PCDH17: variants seen among roughly 807,000 people sequenced by gnomAD.
PCDH17 encodes the protein protocadherin-17.
Under a neutral mutation model 67.7 loss-of-function variants are expected in PCDH17, and 21 were observed. That is an observed-to-expected ratio of 0.31 (90% confidence interval 0.22 to 0.45). PCDH17 has a LOEUF of 0.45. Ranked by LOEUF, PCDH17 falls within the 20% of genes least tolerant of loss-of-function variation. PCDH17 has a pLI of 1.00. For synonymous variants in PCDH17, 701 were observed against 656.7 expected, an observed-to-expected ratio of 1.07 and a Z score of -1.03; for missense variants, 1,471 against 1,564.8, an observed-to-expected ratio of 0.94 and a Z score of 1.01.
intron 3 of PCDH17, among the ~76,000 whole-genome samples, chr13:57,720,373 A>T (rs1457371785): frequency 6.6e-6 from 1 of 152,050 alleles, no homozygotes; most frequent in African/African-American, 2.4e-5. Context: ...AAAGGGGAAG[A>T]TTAAAATGTT....
chr13:57,690,650 G>T (rs1955550093), intron 3 of PCDH17, among the ~76,000 whole-genome samples: 3 of 151,334 alleles, frequency 2.0e-5, no homozygotes, highest in South Asian at 4.2e-4. Flanking sequence ...TAGGTGAAAT[G>T]GTATATTTAA....
At chr13:57,694,155 G>A (rs1955585273) in intron 3 of PCDH17, among the ~76,000 whole-genome samples, 1 of 151,146 alleles carries the variant, frequency 6.6e-6, no homozygotes, top group African/African-American at 2.4e-5. Context: ...AGATGTGAAA[G>A]CTAGAAGTTG....
rs1955922518 is a variant in PCDH17 at position 57,727,307 on chromosome 13, T to G, written c.*2013T>G. ...CATTATTTGCAAACTGGTGGATAAT[T>G]TTGTGCCTTCTCTTCTGGCCACCAA... On this transcript the variant is annotated 3_prime_UTR_variant, in exon 4 of 4. Transcript: ENST00000377918. 1 of 152,584 alleles carries G rather than the reference T, an allele frequency of 6.6e-6. No individual in the cohort carries two copies. Among genetic ancestry groups the G allele is most frequent in the Non-Finnish European group, 1.5e-5 (1 of 68,000 alleles). 9.5% of individuals were successfully genotyped at this position (152,584 alleles called of 1,614,324 possible). A position where few individuals can be genotyped will look rare whatever the true frequency, so the allele number is the denominator to read the frequency against.
intron 3 of PCDH17, among the ~76,000 whole-genome samples, chr13:57,714,631 A>G (rs1453839260): frequency 2.0e-5 from 3 of 151,782 alleles, no homozygotes; most frequent in Admixed American, 1.3e-4. Context: ...TTGTCCTTGT[A>G]AGCCAAACAG....
At chr13:57,677,861 A>C (rs1358053079) in intron 3 of PCDH17, among the ~76,000 whole-genome samples, 1 of 151,820 alleles carries the variant, frequency 6.6e-6, no homozygotes, top group Non-Finnish European at 1.5e-5. Flanking sequence ...ATCTCATAGA[A>C]GTAGAGAGTC....
chr13:57,704,014 T>C (rs1955692289), intron 3 of PCDH17, among the ~76,000 whole-genome samples: 1 of 152,138 alleles, frequency 6.6e-6, no homozygotes, highest in Non-Finnish European at 1.5e-5. Flanking sequence ...CTGTTGTTAC[T>C]ATTGTTGAGC....
chr13:57,727,044 A>G lies in PCDH17; in HGVS notation c.*1750A>G, dbSNP rs1445962111. On this transcript the variant is annotated 3_prime_UTR_variant, in exon 4 of 4. Transcript: ENST00000377918. ...ACACCTTTCCTTGTGACATTTAGCG[A>G]GTTTCAAACTTACTTCCATATGAGG... The G allele has an allele frequency of 6.6e-6, 1 of 152,576 alleles. No homozygotes were observed. The highest frequency in any genetic ancestry group is 1.5e-5 in the Non-Finnish European group (1 of 68,022). The allele number at this position is 152,576 out of a possible 1,614,324, so 9.5% of individuals were successfully genotyped here.
chr13:57,640,871 G>C (rs1443528950), intron 1 of PCDH17, among the ~76,000 whole-genome samples: 2 of 151,920 alleles, frequency 1.3e-5, no homozygotes, highest in African/African-American at 4.8e-5. Flanking sequence ...CTCAATAGTG[G>C]GTAAATTCTT....
intron 1 of PCDH17, among the ~76,000 whole-genome samples, chr13:57,644,586 T>C (rs1954943200): frequency 6.6e-6 from 1 of 151,594 alleles, no homozygotes; most frequent in Non-Finnish European, 1.5e-5. Context: ...TTTTTGCAAT[T>C]ACAATACCCC....
chr13:57,729,150 C>G lies in PCDH17; in HGVS notation c.*3856C>G, dbSNP rs1955934822. 1 of 152,130 alleles carries G rather than the reference C, an allele frequency of 6.6e-6. No homozygotes were observed. Among genetic ancestry groups the G allele is most frequent in the Admixed American group, 6.6e-5 (1 of 15,264 alleles). 9.4% of individuals were successfully genotyped at this position (152,130 alleles called of 1,614,324 possible). A position where few individuals can be genotyped will look rare whatever the true frequency, so the allele number is the denominator to read the frequency against. The stretch of plus-strand genomic sequence containing the variant: ...TTGGCTATTTCCATTATCAGCCCAT[C>G]ACTCCATAAAGTTCTTAGCTGCACC... On this transcript the variant is annotated 3_prime_UTR_variant, in exon 4 of 4. Transcript: ENST00000377918.
chr13:57,667,480 A>T (rs2138025622), intron 3 of PCDH17, among the ~76,000 whole-genome samples: 2 of 152,180 alleles, frequency 1.3e-5, no homozygotes, highest in African/African-American at 4.8e-5. Context: ...TTTCAAATAC[A>T]ATAAAATGTT....
chr13:57,633,439 C>G lies in PCDH17; in HGVS notation c.893C>G (p.Pro298Arg). 6.2e-7 allele frequency: 1 copy of G among 1,613,626 alleles called. No individual in the cohort carries two copies. Among genetic ancestry groups the G allele is most frequent in the South Asian group, 1.1e-5 (1 of 91,082 alleles). Residue 298 changes from proline (P) to arginine (R), a missense_variant, in exon 1 of 4, where the codon CCC becomes CGC. This residue lies in a region of PCDH17 where 1,163 missense variants were observed against 1,230.0 expected (regional missense o/e 0.95). Transcript: ENST00000377918. The surrounding 1 kb of genome is among the most constrained non-coding windows in gnomAD (Gnocchi z 6.2). Reference protein sequence around the residue: ...DRVRELFSIDPKTGLIRVKGN... With the variant: ...DRVRELFSIDRKTGLIRVKGN... ...GTGCGGGAGCTCTTCTCCATCGACC[C>G]CAAGACCGGCCTAATCCGTGTGAAG... is the stretch of plus-strand genomic sequence containing the variant.
intron 3 of PCDH17, among the ~76,000 whole-genome samples, chr13:57,691,648 A>T (rs1014626988): frequency 9.3e-5 from 14 of 151,328 alleles, no homozygotes; most frequent in Non-Finnish European, 1.8e-4. Flanking sequence ...ATCAATTAAA[A>T]ATTTAAAAGC....
intron 1 of PCDH17, 93 bp downstream of exon 1, chr13:57,635,204 C>A: frequency 7.7e-7 from 1 of 1,291,188 alleles, no homozygotes; most frequent in Non-Finnish European, 1.1e-6. Context: ...ACTCTGCCAG[C>A]AGCAGTGAGG....
At position 57,633,237 on chromosome 13, in the gene PCDH17, G is replaced by C; in HGVS notation, c.691G>C (p.Val231Leu). The change falls in exon 1 of 4, where the codon GTG becomes CTG. Residue 231 changes from valine (V) to leucine (L), a missense_variant. By Grantham distance (32) the Val-to-Leu change is conservative. Around this residue, in one of 3 missense-constraint regions of PCDH17, gnomAD observed 1,163 missense variants for 1,230.0 expected, o/e 0.95. Coordinates refer to ENST00000377918, the MANE Select transcript of PCDH17 (RefSeq NM_001040429.3). The surrounding 1 kb of genome is among the most constrained non-coding windows in gnomAD (Gnocchi z 6.2). ...ACGTTCCGCCACCGTACAGATCAACGTGAAGGTGATTGACTCCAACGACAA... is the reference window on the plus strand; with the variant it reads ...ACGTTCCGCCACCGTACAGATCAACCTGAAGGTGATTGACTCCAACGACAA... ...PPRSATVQIN[V>L]KVIDSNDNSP... is the part of the protein sequence containing the mutation. 1 of 1,613,308 alleles carries C rather than the reference G, an allele frequency of 6.2e-7. No individual in the cohort carries two copies. Among genetic ancestry groups the C allele is most frequent in the Non-Finnish European group, 8.5e-7 (1 of 1,179,996 alleles).
At position 57,633,327 on chromosome 13, in the gene PCDH17, G is replaced by T; in HGVS notation, c.781G>T (p.Val261Leu). The T allele has an allele frequency of 1.9e-6, 3 of 1,613,296 alleles. No individual in the cohort carries two copies. The highest frequency in any genetic ancestry group is 2.5e-6 in the Non-Finnish European group (3 of 1,180,018). The change falls in exon 1 of 4, where the codon GTG becomes TTG. Residue 261 changes from valine to leucine, a missense_variant. Physicochemically the swap from Val to Leu is conservative, Grantham distance 32. Coordinates refer to ENST00000377918, the MANE Select transcript of PCDH17 (RefSeq NM_001040429.3). This position sits in a 1 kb window ranked among gnomAD's most constrained non-coding sequence, Gnocchi z 6.2. ...ELPENAPLGTVVIDLNATDAD... is the reference protein window; with the variant it reads ...ELPENAPLGTLVIDLNATDAD... ...GCCCGAGAACGCTCCGCTGGGTACA[G>T]TGGTCATCGATCTGAACGCCACCGA...
At chr13:57,665,458 G>C (rs1255816556) in intron 1 of PCDH17, among the ~76,000 whole-genome samples, 2 of 151,962 alleles carry the variant, frequency 1.3e-5, no homozygotes, top group Admixed American at 1.3e-4. Context: ...GTCTTACCTT[G>C]GGCCCTCTGT....
intron 3 of PCDH17, among the ~76,000 whole-genome samples, chr13:57,704,928 G>A (rs1193518534): frequency 2.0e-5 from 3 of 151,928 alleles, no homozygotes; most frequent in Non-Finnish European, 2.9e-5. Flanking sequence ...ATGTGTATAT[G>A]TGTATGTATA....
intron 1 of PCDH17, among the ~76,000 whole-genome samples, chr13:57,653,543 A>G (rs1390892275): frequency 1.3e-5 from 2 of 152,146 alleles, no homozygotes; most frequent in Non-Finnish European, 2.9e-5. Context: ...CATAAATTTC[A>G]TAGGACTTAG....
Sources: gnomAD v4.1 joint callset for allele counts (sites outside exome capture counted in the v4.1 genomes callset) on GRCh38, gnomAD v4.1.1 for gene constraint, gnomAD v4.1.1 regional missense constraint, Gnocchi (gnomAD v3.1) non-coding constraint, MANE v1.5 for transcripts, NCBI Gene and HGNC (gene_info 2026-07-23, HGNC 2026-07-21) for gene names.